PAFAH1B1: variants seen among roughly 807,000 people sequenced by gnomAD.
PAFAH1B1 encodes the protein platelet activating factor acetylhydrolase 1b regulatory subunit 1, also known as platelet-activating factor acetylhydrolase IB subunit beta.
PAFAH1B1 carries 2 observed loss-of-function variants against 57.5 expected under a neutral mutation model. That is an observed-to-expected ratio of 0.03 (90% CI 0.01 to 0.11). PAFAH1B1 has a LOEUF of 0.11. PAFAH1B1 is among the 10% of genes least tolerant of loss of function. PAFAH1B1 has a pLI of 1.00. For missense variants in PAFAH1B1, 257 were observed against 512.0 expected (o/e 0.50, Z 4.81); for synonymous variants, 152 against 169.6 (o/e 0.90, Z 0.81).
At position 2,593,895 on chromosome 17, in the gene PAFAH1B1, C is replaced by A. The variant is rs894347799; in HGVS notation, c.-302C>A. ...CCGGGCCCAGCGCGCCATCCTCCCC[C>A]CTCCTTCCCTCCCTCCCTCCTTCCT... is the stretch of plus-strand genomic sequence containing the variant. On this transcript the variant is annotated 5_prime_UTR_variant, in exon 1 of 11. Coordinates refer to ENST00000397195, the MANE Select transcript of PAFAH1B1 (RefSeq NM_000430.4). 2 of 354,994 alleles carry A rather than the reference C, an allele frequency of 5.6e-6. No individual in the cohort carries two copies. The highest frequency in any genetic ancestry group is 2.2e-5 in the African/African-American group (1 of 46,006). The allele number at this position is 354,994 out of a possible 1,614,324, so 22.0% of individuals were successfully genotyped here.
chr17:2,597,173 G>A (rs2068092217), intron 1 of PAFAH1B1, among the ~76,000 whole-genome samples: 1 of 152,086 alleles, frequency 6.6e-6, no homozygotes, highest in South Asian at 2.1e-4. Flanking sequence ...TGTATGTAGT[G>A]TTTCTTGATA....
At chr17:2,681,530 G>C in intron 10 of PAFAH1B1, 199 bp from the exon 11 acceptor site, 1 of 569,668 alleles carries the variant, frequency 1.8e-6, no homozygotes. Context: ...CAGTGGTGCA[G>C]TCATGGCTCG....
chr17:2,683,403 C>T lies in PAFAH1B1; in HGVS notation c.*1601C>T, dbSNP rs886052722. 6.6e-6 allele frequency: 1 copy of T among 152,104 alleles called. No individual in the cohort carries two copies. Among genetic ancestry groups the T allele is most frequent in the Non-Finnish European group, 1.5e-5 (1 of 68,002 alleles). The allele number at this position is 152,104 out of a possible 1,614,324, so 9.4% of individuals were successfully genotyped here. ...ATAAAATTCTGAACTGCGTTTTATT[C>T]ATTTGTGTACTATGTGATTTTTTAA... On this transcript the variant is annotated 3_prime_UTR_variant, in exon 11 of 11. Transcript: ENST00000397195.
rs145863320 is a variant in PAFAH1B1, at chr17:2,614,167, C to T, written c.-191+20161C>T. The stretch of plus-strand genomic sequence containing the variant: ...CCTTAGCCTCCTGAGTAGCTGGGAC[C>T]GCAGGTGTGTGCCACCATTCCTGGC... On this transcript the variant is annotated intron_variant, in intron 1 of 10. Coordinates refer to ENST00000397195, the MANE Select transcript of PAFAH1B1 (RefSeq NM_000430.4). Among the ~76,000 whole-genome samples the T allele has an allele frequency of 2.4e-4, 36 of 148,370 alleles. No individual in the cohort carries two copies. The East Asian group carries it at 5.5e-3, about 23-fold the overall frequency.
At position 2,681,652 on chromosome 17, in the gene PAFAH1B1, G is replaced by T. The variant is rs62068249; in HGVS notation, c.1160-77G>T. 4 of 1,107,948 alleles carry T rather than the reference G, an allele frequency of 3.6e-6. No homozygotes were observed. The highest frequency in any genetic ancestry group is 5.4e-6 in the Non-Finnish European group (4 of 736,620). The allele number at this position is 1,107,948 out of a possible 1,614,324, so 68.6% of individuals were successfully genotyped here. ...AATTTTTTTTTTAATTTTGTATTTT[G>T]TAGAGAGGGGGTCTCACTATGTTTG... On this transcript the variant is annotated intron_variant, in intron 10 of 10. Coordinates refer to ENST00000397195, the MANE Select transcript of PAFAH1B1 (RefSeq NM_000430.4).
Position 2,672,708 on chromosome 17 carries a change from G to A in PAFAH1B1, c.622G>A (p.Val208Met). The A allele has an allele frequency of 6.2e-7, 1 of 1,613,696 alleles. No homozygotes were observed. Among genetic ancestry groups the A allele is most frequent in the African/African-American group, 1.3e-5 (1 of 75,028 alleles). ...VAIMPNGDHI[V>M]SASRDKTIKM... ...CATCATGCCCAATGGAGATCATATAGTGTCTGCCTCAAGGGATAAAACTAT... is the reference window on the plus strand; with the variant it reads ...CATCATGCCCAATGGAGATCATATAATGTCTGCCTCAAGGGATAAAACTAT... Residue 208 changes from valine (V) to methionine (M), a missense_variant, in exon 7 of 11, where the codon GTG becomes ATG. Transcript: ENST00000397195.
At chr17:2,625,170 C>T (rs375060661) in intron 1 of PAFAH1B1, among the ~76,000 whole-genome samples, 14 of 152,164 alleles carry the variant, frequency 9.2e-5, no homozygotes, top group African/African-American at 2.9e-4. Flanking sequence ...ATTCTGCATT[C>T]CAAAAGCATA....
chr17:2,598,419 C>T (rs1466061121), intron 1 of PAFAH1B1, among the ~76,000 whole-genome samples: 1 of 151,898 alleles, frequency 6.6e-6, no homozygotes, highest in East Asian at 1.9e-4. Context: ...ACCAAGCTGG[C>T]CATTTCTGCT....
At chr17:2,671,123 G>A (rs1212400345) in intron 6 of PAFAH1B1, among the ~76,000 whole-genome samples, 1 of 152,130 alleles carries the variant, frequency 6.6e-6, no homozygotes, top group Non-Finnish European at 1.5e-5. Flanking sequence ...TGAAGGTTGT[G>A]TTTTCTCTGT....
chr17:2,662,322 G>T (rs1396228713), intron 2 of PAFAH1B1, among the ~76,000 whole-genome samples: 2 of 148,674 alleles, frequency 1.3e-5, no homozygotes, highest in African/African-American at 5.0e-5. Context: ...TCTCAGTTTT[G>T]ATTTTAACCA....
At chr17:2,635,243 T>C (rs1053652416) in intron 1 of PAFAH1B1, 1 of 152,164 alleles carries the variant, frequency 6.6e-6, no homozygotes, top group African/African-American at 2.4e-5. Flanking sequence ...AAATTAAGTG[T>C]TCTTTATATG....
At chr17:2,623,336 C>G (rs541765979) in intron 1 of PAFAH1B1, among the ~76,000 whole-genome samples, 34 of 128,024 alleles carry the variant, frequency 2.7e-4, no homozygotes, top group Admixed American at 6.0e-4. Flanking sequence ...GTGGCATGAT[C>G]TTGGCTCCGC....
At chr17:2,634,902 G>C (rs7209087) in intron 1 of PAFAH1B1, among the ~76,000 whole-genome samples, 43,500 of 152,052 alleles carry the variant, frequency 0.29, 6,398 homozygotes, top group Middle Eastern at 0.36. Context: ...GGTGGCTCAA[G>C]CCTGTAATCC....
intron 2 of PAFAH1B1, among the ~76,000 whole-genome samples, chr17:2,663,087 T>A (rs2069041222): frequency 6.6e-6 from 1 of 152,010 alleles, no homozygotes; most frequent in African/African-American, 2.4e-5. Context: ...CACCCCAGCC[T>A]GGGCAATAAG....
intron 1 of PAFAH1B1, among the ~76,000 whole-genome samples, chr17:2,610,395 G>T (rs1230746004): frequency 6.6e-6 from 1 of 152,182 alleles, no homozygotes; most frequent in East Asian, 1.9e-4. Context: ...GCAGAGCACA[G>T]ATTTGACTCT....
At chr17:2,675,483 C>T (rs2069247956) in intron 8 of PAFAH1B1, among the ~76,000 whole-genome samples, 1 of 152,030 alleles carries the variant, frequency 6.6e-6, no homozygotes, top group Non-Finnish European at 1.5e-5. Context: ...GTTTACTGCC[C>T]TCTGGTGGTG....
chr17:2,669,435 G>A (rs1234858365), intron 5 of PAFAH1B1, among the ~76,000 whole-genome samples: 1 of 151,870 alleles, frequency 6.6e-6, no homozygotes, highest in Non-Finnish European at 1.5e-5. Context: ...CTAATTTTTT[G>A]TGTTTTTTAG....
At chr17:2,652,308 G>A (rs1054092621) in intron 2 of PAFAH1B1, among the ~76,000 whole-genome samples, 8 of 152,138 alleles carry the variant, frequency 5.3e-5, no homozygotes, top group Non-Finnish European at 7.4e-5. Flanking sequence ...CCAGCTACTC[G>A]GGAGGCTGAG....
intron 2 of PAFAH1B1, among the ~76,000 whole-genome samples, chr17:2,654,054 G>A (rs980870370): frequency 7.2e-5 from 11 of 151,934 alleles, no homozygotes; most frequent in Non-Finnish European, 1.5e-4. Flanking sequence ...TGATACACCC[G>A]CCTCGGCCTC....
Sources: gnomAD v4.1 joint callset for allele counts (sites outside exome capture counted in the v4.1 genomes callset) on GRCh38, gnomAD v4.1.1 for gene constraint, MANE v1.5 for transcripts, NCBI Gene and HGNC (gene_info 2026-07-23, HGNC 2026-07-21) for gene names.